Variants in RBPJ observed in about 807,000 individuals in gnomAD.
RBPJ encodes recombining binding protein suppressor of hairless.
RBPJ carries 9 observed loss-of-function variants against 67.8 expected under a neutral mutation model. The observed-to-expected ratio is 0.13, with a 90% confidence interval of 0.08 to 0.23. RBPJ has a LOEUF of 0.23. Among genes scored for constraint, RBPJ ranks in the 10% least tolerant of loss-of-function variants. The pLI is 1.00. For synonymous variants in RBPJ, 198 were observed against 203.3 expected, an observed-to-expected ratio of 0.97 and a Z score of 0.22; for missense variants, 305 against 595.6, an observed-to-expected ratio of 0.51 and a Z score of 5.08.
chr4:26,143,154 T>A, the RBPJ span, among the ~76,000 whole-genome samples: 1 of 152,232 alleles, frequency 6.6e-6, no homozygotes, highest in Non-Finnish European at 1.5e-5. Flanking sequence ...GAAGCCAGCA[T>A]AGATGCATGT....
At chr4:26,308,050 G>A (rs866955889) in intron 1 of RBPJ, among the ~76,000 whole-genome samples, 2 of 152,212 alleles carry the variant, frequency 1.3e-5, no homozygotes, top group Non-Finnish European at 2.9e-5. Context: ...GCCTGGGCAG[G>A]CGGATCATGA....
intron 1 of RBPJ, among the ~76,000 whole-genome samples, chr4:26,303,000 G>A (rs1411746221): frequency 6.6e-6 from 1 of 151,608 alleles, no homozygotes; most frequent in Non-Finnish European, 1.5e-5. Flanking sequence ...GGCCAACATA[G>A]TCATACCCCG....
intron 1 of RBPJ, chr4:26,322,049 A>C (rs1560264355): frequency 1.3e-5 from 2 of 150,310 alleles, no homozygotes; most frequent in African/African-American, 2.5e-5. Flanking sequence ...TTTTGCTTGG[A>C]AACAGTAGCC....
At chr4:26,336,748 C>T (rs1157367516) in intron 1 of RBPJ, among the ~76,000 whole-genome samples, 1 of 151,442 alleles carries the variant, frequency 6.6e-6, no homozygotes, top group East Asian at 1.9e-4. Flanking sequence ...CTCTTTAAAA[C>T]ACTGTATATG....
Position 26,430,853 on chromosome 4 carries a change from C to T in RBPJ, c.1310C>T (p.Pro437Leu), listed in dbSNP as rs140440559. The change falls in exon 11 of 11, where the codon CCG (proline) becomes CTG (leucine). Residue 437 changes from proline (P) to leucine (L), a missense_variant. Pro to Leu is a moderately conservative substitution (Grantham distance 98). Transcript: ENST00000355476. The surrounding 1 kb of genome is among the most constrained non-coding windows in gnomAD (Gnocchi z 4.1). ...TTTACCTACACACCAGAACCAGGGC[C>T]GCGGCCACATTGCAGTGCAGCAGGA... The part of the protein sequence containing the change: ...LTFTYTPEPG[P>L]RPHCSAAGAI... 2.5e-6 allele frequency: 4 copies of T among 1,613,970 alleles called. No homozygotes were observed. The highest frequency in any genetic ancestry group is 2.5e-6 in the Non-Finnish European group (3 of 1,179,990).
chr4:26,250,195 T>A (rs1720062413), intron 1 of RBPJ, among the ~76,000 whole-genome samples: 1 of 152,182 alleles, frequency 6.6e-6, no homozygotes, highest in Non-Finnish European at 1.5e-5. Flanking sequence ...TTTCTGCCCC[T>A]ATGAGTTTGC....
At chr4:26,278,219 A>G (rs555283660) in intron 1 of RBPJ, among the ~76,000 whole-genome samples, 20 of 152,320 alleles carry the variant, frequency 1.3e-4, no homozygotes, top group African/African-American at 4.3e-4. Context: ...AGGATGCTAC[A>G]TAACATTTTC....
the RBPJ span, among the ~76,000 whole-genome samples, chr4:26,134,549 A>G: frequency 3.3e-5 from 5 of 152,172 alleles, no homozygotes; most frequent in Admixed American, 6.5e-5. Context: ...CCTTTGGCCA[A>G]TGGTTTTCCT....
rs1411038324 is a variant in RBPJ at position 26,432,110 on chromosome 4, G to A, written c.*1103G>A. On this transcript the variant is annotated 3_prime_UTR_variant, in exon 11 of 11. Transcript: ENST00000355476. Reference sequence around the variant, plus strand: ...GTTCCCAGTGATTTCATTCAGCAGGGTATTTTCTGCCTTGTTGGCAAGTGA... The same window carrying A: ...GTTCCCAGTGATTTCATTCAGCAGGATATTTTCTGCCTTGTTGGCAAGTGA... The A allele has an allele frequency of 6.6e-6, 1 of 152,162 alleles. No homozygotes were observed. The highest frequency in any genetic ancestry group is 2.4e-5 in the African/African-American group (1 of 41,434). The allele number at this position is 152,162 out of a possible 1,614,324, so 9.4% of individuals were successfully genotyped here.
At chr4:26,214,625 AAG>A (rs1264749492) in intron 1 of RBPJ, among the ~76,000 whole-genome samples, 1 of 72,712 alleles carries the variant, frequency 1.4e-5, no homozygotes, top group Non-Finnish European at 2.5e-5. Context: ...AAAAAGAAAA[AAG>A]AGAAAGAAAA....
At chr4:26,301,995 G>C (rs1026772561) in intron 1 of RBPJ, among the ~76,000 whole-genome samples, 6 of 152,172 alleles carry the variant, frequency 3.9e-5, no homozygotes, top group African/African-American at 1.4e-4. Flanking sequence ...GTTTCGCCAT[G>C]TTGGCCAGGC....
At chr4:26,331,768 AC>A (rs1343009857) in intron 1 of RBPJ, among the ~76,000 whole-genome samples, 5 of 152,040 alleles carry the variant, frequency 3.3e-5, no homozygotes, top group African/African-American at 1.2e-4. Flanking sequence ...CCTCTGGCTT[AC>A]TCCAGTCTCT....
In RBPJ at chr4:26,424,815, T is replaced by G. The variant is rs1468945809; in HGVS notation, c.747+72T>G. On this transcript the variant is annotated intron_variant, in intron 7 of 10. Transcript: ENST00000355476. This position sits in a 1 kb window ranked among gnomAD's most constrained non-coding sequence, Gnocchi z 5.3. The stretch of plus-strand genomic sequence containing the variant: ...TTTCTTAAACAGGAAAATCACAACA[T>G]TCAAATGGAAAAACACACCTCAGTT... The G allele has an allele frequency of 2.3e-5, 20 of 885,462 alleles. No individual in the cohort carries two copies. Among genetic ancestry groups the G allele is most frequent in the Non-Finnish European group, 3.7e-5 (20 of 547,856 alleles). 54.9% of individuals were successfully genotyped at this position (885,462 alleles called of 1,614,324 possible).
intron 1 of RBPJ, among the ~76,000 whole-genome samples, chr4:26,341,769 G>T (rs1487308319): frequency 2.0e-5 from 3 of 152,198 alleles, no homozygotes; most frequent in Non-Finnish European, 4.4e-5. Context: ...GAGACAGAAA[G>T]AACCCTTCAG....
rs576456341 is a variant in RBPJ at position 26,323,440 on chromosome 4, G to A, written c.20+2392G>A. Among the ~76,000 whole-genome samples the A allele has an allele frequency of 4.6e-5, 7 of 152,232 alleles. No homozygotes were observed. In the East Asian group the frequency reaches 1.2e-3, roughly 25 times the overall value. On this transcript the variant is annotated intron_variant, in intron 1 of 10. Coordinates refer to ENST00000355476, the MANE Select transcript of RBPJ (RefSeq NM_015874.6). ...TGTAATACTTTTACTTACATGATTGGTGAAATAAAACTGCTTTTAATTAAA... is the reference window on the plus strand; with the variant it reads ...TGTAATACTTTTACTTACATGATTGATGAAATAAAACTGCTTTTAATTAAA...
At chr4:26,287,626 GAGGGGAGGGGAGGAGCAGAGA>G in intron 1 of RBPJ, among the ~76,000 whole-genome samples, 1 of 62,006 alleles carries the variant, frequency 1.6e-5, no homozygotes, top group African/African-American at 7.5e-5. Flanking sequence ...GAGGGGAGGG[GAGGGGAGGGGAGGAGCAGAGA>G]AGAGAAGAAA....
At chr4:26,409,875 T>C (rs1471105378) in intron 3 of RBPJ, among the ~76,000 whole-genome samples, 2 of 152,306 alleles carry the variant, frequency 1.3e-5, no homozygotes, top group East Asian at 3.9e-4. Context: ...TTTAACAATC[T>C]AAGCTTTGAA....
At chr4:26,177,675 C>T (rs1317810567) in intron 1 of RBPJ, among the ~76,000 whole-genome samples, 1 of 152,010 alleles carries the variant, frequency 6.6e-6, no homozygotes, top group Non-Finnish European at 1.5e-5. Context: ...AAAATGTGAA[C>T]CCCAATCCAT....
At chr4:26,242,070 G>A (rs894091813) in intron 1 of RBPJ, among the ~76,000 whole-genome samples, 10 of 152,092 alleles carry the variant, frequency 6.6e-5, no homozygotes, top group African/African-American at 2.4e-4. Flanking sequence ...TTTTTCTCAT[G>A]TCTTTAGGAC....
Sources: allele counts gnomAD v4.1 joint callset (sites outside exome capture counted in the v4.1 genomes callset), GRCh38; gene constraint gnomAD v4.1.1; non-coding constraint Gnocchi (gnomAD v3.1); transcripts MANE v1.5; gene names NCBI Gene and HGNC (gene_info 2026-07-23, HGNC 2026-07-21).